CDH7: variants seen among roughly 807,000 people sequenced by gnomAD.
CDH7 encodes cadherin-7.
CDH7 carries 25 observed loss-of-function variants against 71.8 expected under a neutral mutation model. That is an observed-to-expected ratio of 0.35 (90% CI 0.25 to 0.49). CDH7 has a LOEUF of 0.49. CDH7 is among the 20% of genes least tolerant of loss of function. The pLI, the probability that CDH7 is intolerant of heterozygous loss-of-function variation, is 0.99. For synonymous variants in CDH7, 381 were observed against 363.8 expected (o/e 1.05, Z -0.54); for missense variants, 862 against 974.6 (o/e 0.88, Z 1.54).
intron 2 of CDH7, among the ~76,000 whole-genome samples, chr18:65,801,303 G>A (rs1911114957): frequency 6.6e-6 from 1 of 152,078 alleles, no homozygotes; most frequent in Non-Finnish European, 1.5e-5. Flanking sequence ...TTAGGCATCG[G>A]GATATGCAAA....
At chr18:65,761,660 G>A (rs1916196098) in intron 1 of CDH7, among the ~76,000 whole-genome samples, 1 of 152,100 alleles carries the variant, frequency 6.6e-6, no homozygotes, top group African/African-American at 2.4e-5. Context: ...ATTTAAGTGA[G>A]GACTTTGTCA....
In CDH7 at chr18:65,853,918, T is replaced by TATATATATATATCC. The variant is rs1555689473; in HGVS notation, c.1236-3886_1236-3885insCCATATATATATAT. 3.5e-4 allele frequency among the ~76,000 whole-genome samples: 23 copies of TATATATATATATCC among 66,288 alleles called. 1 individual carries two copies. The highest frequency in any genetic ancestry group is 2.0e-3 in the African/African-American group (23 of 11,664). The allele number at this position is 66,288 out of a possible 152,430, so 43.5% of individuals were successfully genotyped here. The stretch of plus-strand genomic sequence containing the variant: ...CATCATAAATTACCATATATATATA[T>TATATATATATATCC]ATATATATATATATATATATATATA... On this transcript the variant is annotated intron_variant, in intron 7 of 11. Transcript: ENST00000397968.
chr18:65,854,127 G>C (rs1328788685), intron 7 of CDH7, among the ~76,000 whole-genome samples: 1 of 151,070 alleles, frequency 6.6e-6, no homozygotes, highest in African/African-American at 2.4e-5. Flanking sequence ...CAGCAATAGT[G>C]AGACCGTATC....
chr18:65,869,553 T>TTA (rs1913866382), intron 11 of CDH7, among the ~76,000 whole-genome samples: 1 of 139,398 alleles, frequency 7.2e-6, no homozygotes, highest in African/African-American at 2.6e-5. Flanking sequence ...CAATTTTTTT[T>TTA]TTTTTTTTTT....
chr18:65,757,820 T>C (rs1049556356), intron 1 of CDH7, among the ~76,000 whole-genome samples: 1 of 151,726 alleles, frequency 6.6e-6, no homozygotes, highest in Non-Finnish European at 1.5e-5. Flanking sequence ...TTTAAAGAAC[T>C]AGTAATAGTG....
intron 4 of CDH7, among the ~76,000 whole-genome samples, chr18:65,815,066 G>T (rs1231414605): frequency 3.3e-5 from 5 of 152,120 alleles, no homozygotes; most frequent in African/African-American, 1.2e-4. Context: ...TTAGGGTGAT[G>T]ATCTGCCAAA....
rs376648112 is a variant in CDH7, at chr18:65,781,969, TC to T, written c.210+18918del. 2.5e-3 allele frequency among the ~76,000 whole-genome samples: 234 copies of T among 92,908 alleles called. 41 individuals are homozygous for T. Among genetic ancestry groups the T allele is most frequent in the African/African-American group, 0.011 (126 of 11,906 alleles). The allele number at this position is 92,908 out of a possible 152,430, so 61.0% of individuals were successfully genotyped here. ...CTTTCTCTCTTTCTCTCTTTCTCTC[TC>T]TCTCTCTCTCTCTCTCTTTCTCTCT... On this transcript the variant is annotated intron_variant, in intron 2 of 11. Transcript: ENST00000397968.
At position 65,888,836 on chromosome 18, in the gene CDH7, C is replaced by G. The variant is rs1177249425; in HGVS notation, c.*7942C>G. On this transcript the variant is annotated 3_prime_UTR_variant, in exon 12 of 12. Transcript: ENST00000397968. ...GAAAAAAACATTGGGACATTTTGCC[C>G]TTTATCTTTTTATTAAGACTGTCAA... 1.3e-5 allele frequency: 2 copies of G among 151,878 alleles called. No homozygotes were observed. Among genetic ancestry groups the G allele is most frequent in the South Asian group, 2.1e-4 (1 of 4,824 alleles). 9.4% of individuals were successfully genotyped at this position (151,878 alleles called of 1,614,324 possible). A position where few individuals can be genotyped will look rare whatever the true frequency, so the allele number is the denominator to read the frequency against.
rs776786253 is a variant in CDH7, at chr18:65,880,549, G to C, written c.2013G>C (p.Leu671=). The C allele has an allele frequency of 2.5e-6, 4 of 1,613,808 alleles. No individual in the cohort carries two copies. Among genetic ancestry groups the C allele is most frequent in the Non-Finnish European group, 3.4e-6 (4 of 1,179,976 alleles). Residue 671 remains leucine, a synonymous_variant, in exon 12 of 12, where the codon CTG becomes CTC. Transcript: ENST00000397968. ...CGGAAGCGTTTGACATGGCTGCACT[G>C]AGAAACCTCAACGTCATCCGAGACA... is the stretch of plus-strand genomic sequence containing the variant. ...EDTEAFDMAA[L]RNLNVIRDTK...
intron 2 of CDH7, among the ~76,000 whole-genome samples, chr18:65,785,054 T>C (rs1910462404): frequency 6.6e-6 from 1 of 152,186 alleles, no homozygotes; most frequent in Non-Finnish European, 1.5e-5. Context: ...TAATGACTTT[T>C]GGATTGATTT....
intron 6 of CDH7, among the ~76,000 whole-genome samples, chr18:65,841,069 A>G (rs1030631514): frequency 2.0e-5 from 3 of 152,136 alleles, no homozygotes; most frequent in Non-Finnish European, 4.4e-5. Context: ...AGATCCTGGC[A>G]TATTTTGATA....
chr18:65,829,259 A>G (rs1345161092), intron 6 of CDH7, among the ~76,000 whole-genome samples: 2 of 151,608 alleles, frequency 1.3e-5, no homozygotes, highest in Admixed American at 1.3e-4. Context: ...AGCTGGGACC[A>G]CAGGCGCCCG....
intron 2 of CDH7, among the ~76,000 whole-genome samples, chr18:65,766,579 A>G (rs543351407): frequency 6.6e-5 from 10 of 152,240 alleles, no homozygotes; most frequent in Non-Finnish European, 1.0e-4. Context: ...TGATAAATGT[A>G]TAGACTTAAG....
In CDH7 at chr18:65,862,895, C is replaced by A. The variant is rs767609974; in HGVS notation, c.1842C>A (p.Leu614=). The change falls in exon 11 of 12, where the codon CTC becomes CTA. Residue 614 remains leucine (L), a synonymous_variant. Transcript: ENST00000397968. ...GTACAGGAGCCCTGATAGCCATACT[C>A]GCCTGTGTCTTGACATTATTGGGTA... ...GLSTGALIAI[L]ACVLTLLVLI... is the part of the protein sequence containing the mutation. The A allele has an allele frequency of 6.2e-7, 1 of 1,614,198 alleles. No homozygotes were observed. The highest frequency in any genetic ancestry group is 1.3e-5 in the African/African-American group (1 of 75,042).
chr18:65,878,700 T>TGGG (rs1299590696), intron 11 of CDH7, among the ~76,000 whole-genome samples: 2 of 152,178 alleles, frequency 1.3e-5, no homozygotes, highest in African/African-American at 4.8e-5. Flanking sequence ...CACAGTTACT[T>TGGG]TTGCATCAAC....
intron 2 of CDH7, among the ~76,000 whole-genome samples, chr18:65,796,481 T>C (rs1180541809): frequency 6.6e-6 from 1 of 152,210 alleles, no homozygotes; most frequent in Non-Finnish European, 1.5e-5. Context: ...GTTCCTGGGA[T>C]GTACAATATA....
chr18:65,874,315 G>A (rs1914010280), intron 11 of CDH7, among the ~76,000 whole-genome samples: 1 of 152,174 alleles, frequency 6.6e-6, no homozygotes, highest in African/African-American at 2.4e-5. Context: ...CTAGTGGGAT[G>A]TAATTTACAT....
In CDH7 at chr18:65,874,128, A is replaced by G. The variant is rs147663721; in HGVS notation, c.1865-6273A>G. 1.8e-3 allele frequency among the ~76,000 whole-genome samples: 268 copies of G among 152,310 alleles called. 4 individuals carry two copies. The highest frequency in any genetic ancestry group is 3.7e-3 in the East Asian group (19 of 5,184). The stretch of plus-strand genomic sequence containing the variant: ...CTTCATATGGCTTACAGTTTTAGCA[A>G]TCAGTACTCATTAAAAATATTATTG... On this transcript the variant is annotated intron_variant, in intron 11 of 11. Coordinates refer to ENST00000397968, the MANE Select transcript of CDH7 (RefSeq NM_004361.5).
chr18:65,851,071 T>C (rs1913134359), intron 7 of CDH7, among the ~76,000 whole-genome samples: 1 of 150,134 alleles, frequency 6.7e-6, no homozygotes, highest in Non-Finnish European at 1.5e-5. Flanking sequence ...CCCAAAATGC[T>C]GGGATTACAG....
Sources: gnomAD v4.1 joint callset for allele counts (sites outside exome capture counted in the v4.1 genomes callset) on GRCh38, gnomAD v4.1.1 for gene constraint, MANE v1.5 for transcripts, NCBI Gene and HGNC (gene_info 2026-07-23, HGNC 2026-07-21) for gene names.